The following STAT1 variants were observed in gnomAD, a reference collection of about 807,000 sequenced individuals.
The protein encoded by STAT1 is signal transducer and activator of transcription 1-alpha/beta.
Under a neutral mutation model 111.7 loss-of-function variants are expected in STAT1, and 24 were observed. That is an observed-to-expected ratio of 0.21 (90% CI 0.16 to 0.30). The LOEUF (loss-of-function observed/expected upper bound fraction) is 0.30, where lower values mean the gene tolerates loss of function less well. STAT1 is among the 10% of genes least tolerant of loss of function. The probability of loss-of-function intolerance (pLI) is 1.00; values close to 1 mark genes in which losing one functional copy is unlikely to be tolerated. For missense variants in STAT1, 351 were observed against 911.9 expected, an observed-to-expected ratio of 0.38 and a Z score of 7.92; for synonymous variants, 332 against 326.5, an observed-to-expected ratio of 1.02 and a Z score of -0.18.
Position 190,981,281 on chromosome 2 carries a change from A to G in STAT1, c.1583-612T>C, listed in dbSNP as rs1176605762. ...AGATCACCCCTAGATCTTCAATGTA[A>G]CTGATACTTGACTTTACAAGTTTAT... On this transcript the variant is annotated intron_variant, in intron 18 of 24. Coordinates refer to ENST00000361099, the MANE Select transcript of STAT1 (RefSeq NM_007315.4). This position sits in a 1 kb window ranked among gnomAD's most constrained non-coding sequence, Gnocchi z 4.1. 6.6e-6 allele frequency among the ~76,000 whole-genome samples: 1 copy of G among 152,096 alleles called. No individual in the cohort carries two copies. Among genetic ancestry groups the G allele is most frequent in the East Asian group, 1.9e-4 (1 of 5,186 alleles).
At position 190,974,795 on chromosome 2, in the gene STAT1, T is replaced by C; in HGVS notation, c.2238+35A>G. On this transcript the variant is annotated intron_variant, in intron 24 of 24. Transcript: ENST00000361099. The surrounding 1 kb of genome is among the most constrained non-coding windows in gnomAD (Gnocchi z 4.8). ...CCCTGCCTCTGAGCACACACACTTA[T>C]TGAGAGCTACACACAGGCCAGCCGT... The C allele has an allele frequency of 5.1e-6, 8 of 1,563,998 alleles. No homozygotes were observed. Among genetic ancestry groups the C allele is most frequent in the Non-Finnish European group, 4.4e-6 (5 of 1,134,484 alleles).
In STAT1 at chr2:191,000,448, C is replaced by T. The variant is rs41440051; in HGVS notation, c.462+626G>A. Among the ~76,000 whole-genome samples, 1,610 of 152,248 alleles carry T rather than the reference C, an allele frequency of 0.011. 80 individuals carry two copies. Among genetic ancestry groups the T allele is most frequent in the Admixed American group, 0.083 (1,271 of 15,278 alleles). ...ACCCAGAGATCCACAGAGGACCAAA[C>T]CCCTAAGCTGGAAGGCCTTTTCCAC... On this transcript the variant is annotated intron_variant, in intron 6 of 24. Transcript: ENST00000361099. The surrounding 1 kb of genome is among the most constrained non-coding windows in gnomAD (Gnocchi z 4.8).
rs568811149 is a variant in STAT1, at chr2:191,008,907, A to C, written c.273+56T>G. 18 of 1,591,220 alleles carry C rather than the reference A, an allele frequency of 1.1e-5. 1 individual carries two copies. The South Asian group carries it at 1.9e-4, about 17-fold the overall frequency. On this transcript the variant is annotated intron_variant, in intron 4 of 24. Coordinates refer to ENST00000361099, the MANE Select transcript of STAT1 (RefSeq NM_007315.4). ...CAATTGTATTTGCTGAATGAAGAAA[A>C]CTGCCTTCCATAAACATGAGAACAT...
Position 190,975,768 on chromosome 2 carries a change from T to C in STAT1, c.2135+44A>G. On this transcript the variant is annotated intron_variant, in intron 23 of 24. Transcript: ENST00000361099. This position sits in a 1 kb window ranked among gnomAD's most constrained non-coding sequence, Gnocchi z 5.9. ...AACAGGCCCCAGCCAGGAGCAAGGC[T>C]GGCTTGAGGTTTGTAAACATGTCAC... 1 of 1,613,474 alleles carries C rather than the reference T, an allele frequency of 6.2e-7. No individual in the cohort carries two copies. Among genetic ancestry groups the C allele is most frequent in the Non-Finnish European group, 8.5e-7 (1 of 1,179,718 alleles).
At chr2:191,002,268 A>G (rs2125082828) in intron 5 of STAT1, among the ~76,000 whole-genome samples, 1 of 152,310 alleles carries the variant, frequency 6.6e-6, no homozygotes, top group South Asian at 2.1e-4. Context: ...GCATTTACTG[A>G]AAAGTCCATT....
rs903411579 is a variant in STAT1 at position 190,970,825 on chromosome 2, C to G, written c.2239-108G>C. The G allele has an allele frequency of 9.5e-7, 1 of 1,053,756 alleles. No homozygotes were observed. Among genetic ancestry groups the G allele is most frequent in the African/African-American group, 1.6e-5 (1 of 63,788 alleles). The allele number at this position is 1,053,756 out of a possible 1,614,324, so 65.3% of individuals were successfully genotyped here. A position where few individuals can be genotyped will look rare whatever the true frequency, so the allele number is the denominator to read the frequency against. ...TCTAGAATGAAGTAGTAGGAAGATA[C>G]TTGCAATGGCAAATAAATACCGTGG... On this transcript the variant is annotated intron_variant, in intron 24 of 24. Transcript: ENST00000361099. The surrounding 1 kb of genome is among the most constrained non-coding windows in gnomAD (Gnocchi z 5.4).
intron 6 of STAT1, 41 bp downstream of exon 6, chr2:191,001,033 G>GA (rs767060613): frequency 6.7e-7 from 1 of 1,494,880 alleles, no homozygotes; most frequent in Non-Finnish European, 9.3e-7. Context: ...TTCCCCTACA[G>GA]AAAGTTTCAG....
At position 190,975,422 on chromosome 2, in the gene STAT1, A is replaced by G. The variant is rs1019158218; in HGVS notation, c.2135+390T>C. On this transcript the variant is annotated intron_variant, in intron 23 of 24. Coordinates refer to ENST00000361099, the MANE Select transcript of STAT1 (RefSeq NM_007315.4). This position sits in a 1 kb window ranked among gnomAD's most constrained non-coding sequence, Gnocchi z 5.9. ...CAAATAACTGACAATGACATTTCCA[A>G]AATTTTTTCTACCTTTTATAAAATG... The G allele has an allele frequency of 1.4e-6, 1 of 705,204 alleles. No homozygotes were observed. Among genetic ancestry groups the G allele is most frequent in the Non-Finnish European group, 2.3e-6 (1 of 437,620 alleles). 43.7% of individuals were successfully genotyped at this position (705,204 alleles called of 1,614,324 possible).
At chr2:190,991,107 A>G in intron 11 of STAT1, 121 bp downstream of exon 11, 1 of 790,176 alleles carries the variant, frequency 1.3e-6, no homozygotes, top group East Asian at 2.7e-5. Flanking sequence ...AGTTCATATT[A>G]AAGTGCCCCC....
At chr2:191,005,866 C>T (rs1444231186) in intron 5 of STAT1, among the ~76,000 whole-genome samples, 1 of 152,230 alleles carries the variant, frequency 6.6e-6, no homozygotes, top group East Asian at 1.9e-4. Context: ...AAACTTCCCT[C>T]ACACCCCAAG....
At chr2:190,994,849 G>C (rs1693695880) in intron 10 of STAT1, among the ~76,000 whole-genome samples, 1 of 149,416 alleles carries the variant, frequency 6.7e-6, no homozygotes, top group Non-Finnish European at 1.5e-5. Context: ...TTGGGAGGTG[G>C]AGGTTGCAGT....
intron 14 of STAT1, among the ~76,000 whole-genome samples, chr2:190,985,909 G>C (rs545697655): frequency 1.3e-5 from 2 of 152,308 alleles, no homozygotes; most frequent in South Asian, 4.1e-4. Context: ...CCTCTCCTGT[G>C]TTCAAACTTT....
chr2:191,008,043 T>C (rs939014806), intron 4 of STAT1: 2 of 456,474 alleles, frequency 4.4e-6, no homozygotes, highest in Non-Finnish European at 8.8e-6. Context: ...TCTGTTGGTC[T>C]AAGCTTTGAA....
In STAT1 at chr2:190,986,004, G is replaced by A. The variant is rs929059466; in HGVS notation, c.1222-344C>T. Among the ~76,000 whole-genome samples, 11 of 152,186 alleles carry A rather than the reference G, an allele frequency of 7.2e-5. No individual in the cohort carries two copies. Among genetic ancestry groups the A allele is most frequent in the Admixed American group, 2.0e-4 (3 of 15,286 alleles). On this transcript the variant is annotated intron_variant, in intron 14 of 24. Transcript: ENST00000361099. The surrounding 1 kb of genome is among the most constrained non-coding windows in gnomAD (Gnocchi z 5.0). ...CTTCTCCCTCCCCTTTCCCTCAGCA[G>A]AGTCCTCCAGGCTGGGCCCAGTGAC... is the stretch of plus-strand genomic sequence containing the variant.
Position 190,980,347 on chromosome 2 carries a change from C to G in STAT1, c.1632+273G>C, listed in dbSNP as rs1692278239. Reference sequence around the variant, plus strand: ...ATTTCACACAGAAATGGCTAAAACACTGCTGGGCAGGGGTCCAGCGTGAGT... The same window carrying G: ...ATTTCACACAGAAATGGCTAAAACAGTGCTGGGCAGGGGTCCAGCGTGAGT... On this transcript the variant is annotated intron_variant, in intron 19 of 24. Coordinates refer to ENST00000361099, the MANE Select transcript of STAT1 (RefSeq NM_007315.4). This position sits in a 1 kb window ranked among gnomAD's most constrained non-coding sequence, Gnocchi z 6.1. 3.3e-5 allele frequency among the ~76,000 whole-genome samples: 5 copies of G among 152,244 alleles called. No homozygotes were observed. Among genetic ancestry groups the G allele is most frequent in the Admixed American group, 3.3e-4 (5 of 15,278 alleles).
In STAT1 at chr2:191,012,708, C is replaced by G. The variant is rs1049181471; in HGVS notation, c.-2+817G>C. Reference sequence around the variant, plus strand: ...ATTCCTAGGCAGATTTCCACCCCACCCCATCTTCATCCATCAACAAAGCAA... The same window carrying G: ...ATTCCTAGGCAGATTTCCACCCCACGCCATCTTCATCCATCAACAAAGCAA... On this transcript the variant is annotated intron_variant, in intron 2 of 24. Transcript: ENST00000361099. This position sits in a 1 kb window ranked among gnomAD's most constrained non-coding sequence, Gnocchi z 4.0. Among the ~76,000 whole-genome samples, 8 of 152,184 alleles carry G rather than the reference C, an allele frequency of 5.3e-5. No individual in the cohort carries two copies. Among genetic ancestry groups the G allele is most frequent in the Non-Finnish European group, 1.0e-4 (7 of 68,036 alleles).
rs763217510 is a variant in STAT1, at chr2:190,990,880, T to C, written c.1037+348A>G. ...ACATTCATACAGCTTCTGGGGTTCA[T>C]AAGGCTCAGGTTATGAGCCTATGCC... On this transcript the variant is annotated intron_variant, in intron 11 of 24. Coordinates refer to ENST00000361099, the MANE Select transcript of STAT1 (RefSeq NM_007315.4). This position sits in a 1 kb window ranked among gnomAD's most constrained non-coding sequence, Gnocchi z 5.1. 8.5e-5 allele frequency among the ~76,000 whole-genome samples: 13 copies of C among 152,200 alleles called. No homozygotes were observed. The highest frequency in any genetic ancestry group is 1.8e-4 in the Non-Finnish European group (12 of 68,036).
At position 190,993,622 on chromosome 2, in the gene STAT1, C is replaced by G. The variant is rs1251034420; in HGVS notation, c.944+1439G>C. On this transcript the variant is annotated intron_variant, in intron 10 of 24. Coordinates refer to ENST00000361099, the MANE Select transcript of STAT1 (RefSeq NM_007315.4). This position sits in a 1 kb window ranked among gnomAD's most constrained non-coding sequence, Gnocchi z 4.1. ...CACCCTTGCTGCTACAGCTGCTGCC[C>G]TGACTCTCTGCACCACGGGTAACTG... 1.7e-6 allele frequency: 1 copy of G among 575,378 alleles called. No homozygotes were observed. The highest frequency in any genetic ancestry group is 1.9e-5 in the African/African-American group (1 of 53,652). 35.6% of individuals were successfully genotyped at this position (575,378 alleles called of 1,614,324 possible). A position where few individuals can be genotyped will look rare whatever the true frequency, so the allele number is the denominator to read the frequency against.
rs1192130554 is a variant in STAT1, at chr2:191,007,525, T to C, written c.372+38A>G. On this transcript the variant is annotated intron_variant, in intron 5 of 24. Transcript: ENST00000361099. The surrounding 1 kb of genome is among the most constrained non-coding windows in gnomAD (Gnocchi z 4.2). ...TATTTGATGAATGAATACATTTTTA[T>C]TTTATTACAGTTTATGTGTTCAATG... is the stretch of plus-strand genomic sequence containing the variant. The C allele has an allele frequency of 6.9e-7, 1 of 1,453,402 alleles. No individual in the cohort carries two copies. The allele number at this position is 1,453,402 out of a possible 1,614,324, so 90.0% of individuals were successfully genotyped here.
Sources: allele counts gnomAD v4.1 joint callset (sites outside exome capture counted in the v4.1 genomes callset), GRCh38; gene constraint gnomAD v4.1.1; non-coding constraint Gnocchi (gnomAD v3.1); transcripts MANE v1.5; gene names NCBI Gene and HGNC (gene_info 2026-07-23, HGNC 2026-07-21).